The following EIF5B variants were observed in gnomAD, a reference collection of about 807,000 sequenced individuals.
EIF5B encodes the protein eIF-5B.
Under a neutral mutation model 147.5 loss-of-function variants are expected in EIF5B, and 47 were observed. The observed-to-expected ratio is 0.32, with a 90% CI of 0.25 to 0.41. The LOEUF (loss-of-function observed/expected upper bound fraction) is 0.41. EIF5B is among the 10% of genes least tolerant of loss of function. The pLI is 1.00. For missense variants in EIF5B, 1,064 were observed against 1,413.2 expected (o/e 0.75, Z 3.96); for synonymous variants, 455 against 456.2 (o/e 1.00, Z 0.03).
Position 99,360,477 on chromosome 2 carries a change from C to T in EIF5B, c.174C>T (p.Ile58=). Residue 58 remains isoleucine, a synonymous_variant, in exon 3 of 24, where the codon ATC becomes ATT. Transcript: ENST00000289371. The part of the protein sequence containing the change: ...KKKQDFDEDD[I]LKELEELSLE... ...AATCCTTTTCTAGTGAAGATGATAT[C>T]CTGAAAGAACTGGAAGAATTGTCTT... 1 of 1,613,212 alleles carries T rather than the reference C, an allele frequency of 6.2e-7. No homozygotes were observed. The highest frequency in any genetic ancestry group is 8.5e-7 in the Non-Finnish European group (1 of 1,179,648).
At chr2:99,362,342 C>A (rs957085238) in intron 4 of EIF5B, among the ~76,000 whole-genome samples, 1 of 152,208 alleles carries the variant, frequency 6.6e-6, no homozygotes, top group Non-Finnish European at 1.5e-5. Context: ...TAGCTAATTT[C>A]TTCCTCTTAT....
chr2:99,401,171 T>A lies in EIF5B; in HGVS notation c.*1757T>A. 4.5e-6 allele frequency: 4 copies of A among 885,088 alleles called. No individual in the cohort carries two copies. Among genetic ancestry groups the A allele is most frequent in the Non-Finnish European group, 7.5e-6 (4 of 531,840 alleles). 54.8% of individuals were successfully genotyped at this position (885,088 alleles called of 1,614,324 possible). A position where few individuals can be genotyped will look rare whatever the true frequency, so the allele number is the denominator to read the frequency against. ...ATAAAAACTCCGAGCATTACTATCA[T>A]GCACTTTGCAAATACCTCACAAGCA... On this transcript the variant is annotated 3_prime_UTR_variant, in exon 24 of 24. Coordinates refer to ENST00000289371, the MANE Select transcript of EIF5B (RefSeq NM_015904.4).
intron 17 of EIF5B, among the ~76,000 whole-genome samples, chr2:99,391,914 G>T (rs1294086416): frequency 6.6e-6 from 1 of 151,058 alleles, no homozygotes; most frequent in Non-Finnish European, 1.5e-5. Flanking sequence ...TTACAGATGG[G>T]ACTTTGTCAT....
Position 99,376,412 on chromosome 2 carries a change from G to A in EIF5B, c.1618G>A (p.Glu540Lys), listed in dbSNP as rs1464761290. Residue 540 changes from glutamate (E) to lysine (K), a missense_variant, in exon 10 of 24, where the codon GAG (glutamate) becomes AAG (lysine). Around this residue, in one of 4 missense-constraint regions of EIF5B, gnomAD observed 195 missense variants for 186.3 expected, o/e 1.05. Transcript: ENST00000289371. ...NPEEEEEEEEEEEEDEESEEE... is the reference protein window; with the variant it reads ...NPEEEEEEEEKEEEDEESEEE... Reference sequence around the variant, plus strand: ...TGAAGAGGAGGAGGAGGAGGAAGAAGAGGAAGAAGAAGATGAAGAAAGTGA... The same window carrying A: ...TGAAGAGGAGGAGGAGGAGGAAGAAAAGGAAGAAGAAGATGAAGAAAGTGA... The A allele has an allele frequency of 2.6e-6, 4 of 1,564,874 alleles. No individual in the cohort carries two copies. In the South Asian group the frequency reaches 4.5e-5, roughly 18 times the overall value.
chr2:99,355,357 A>G (rs1353617124), intron 1 of EIF5B, among the ~76,000 whole-genome samples: 2 of 152,168 alleles, frequency 1.3e-5, no homozygotes, highest in African/African-American at 2.4e-5. Flanking sequence ...TTGGAATTGC[A>G]TTAAACCTGT....
intron 1 of EIF5B, among the ~76,000 whole-genome samples, chr2:99,347,778 G>T (rs903982853): frequency 6.6e-6 from 1 of 152,024 alleles, no homozygotes; most frequent in Admixed American, 6.6e-5. Context: ...AATTTACCTA[G>T]TAAGTGTGCA....
chr2:99,401,128 T>C lies in EIF5B; in HGVS notation c.*1714T>C, dbSNP rs1559267460. The stretch of plus-strand genomic sequence containing the variant: ...AAAGAAATGTACAAAACACTTGCTT[T>C]AAAAGAAATTTAAAATTATAAAAAC... On this transcript the variant is annotated 3_prime_UTR_variant, in exon 24 of 24. Transcript: ENST00000289371. The C allele has an allele frequency of 8.7e-6, 5 of 572,716 alleles. No individual in the cohort carries two copies. The South Asian group carries it at 1.0e-4, about 11-fold the overall frequency. 35.5% of individuals were successfully genotyped at this position (572,716 alleles called of 1,614,324 possible).
chr2:99,354,660 T>C (rs999901356), intron 1 of EIF5B, among the ~76,000 whole-genome samples: 1 of 152,174 alleles, frequency 6.6e-6, no homozygotes, highest in African/African-American at 2.4e-5. Flanking sequence ...GTACATCATA[T>C]ATCTTGGGTT....
chr2:99,397,644 ACT>A (rs1675082821), intron 22 of EIF5B: 3 of 151,798 alleles, frequency 2.0e-5, no homozygotes, highest in African/African-American at 7.3e-5. Flanking sequence ...AGCCTGTCTG[ACT>A]GCTGCTGATG....
chr2:99,399,495 CA>C lies in EIF5B; in HGVS notation c.*82del. The C allele has an allele frequency of 7.5e-7, 1 of 1,340,006 alleles. No homozygotes were observed. Among genetic ancestry groups the C allele is most frequent in the Middle Eastern group, 2.0e-4 (1 of 5,072 alleles). 83.0% of individuals were successfully genotyped at this position (1,340,006 alleles called of 1,614,324 possible). On this transcript the variant is annotated 3_prime_UTR_variant, in exon 24 of 24. Transcript: ENST00000289371. ...AACAAAAATCAGACAAAAAATGGAA[CA>C]GACGTATTTGGACACTGATGGACTT...
intron 1 of EIF5B, among the ~76,000 whole-genome samples, chr2:99,354,290 C>T (rs1674045734): frequency 6.6e-6 from 1 of 152,148 alleles, no homozygotes; most frequent in Non-Finnish European, 1.5e-5. Context: ...TTGCATTTCC[C>T]AAATAGCTAA....
intron 1 of EIF5B, among the ~76,000 whole-genome samples, chr2:99,345,937 C>G (rs2094272407): frequency 1.2e-5 from 1 of 80,744 alleles, no homozygotes; most frequent in African/African-American, 3.7e-5. Flanking sequence ...GAGCTAGACC[C>G]TGTCTCAAAA....
chr2:99,395,870 G>A (rs1299588492), intron 21 of EIF5B, among the ~76,000 whole-genome samples: 3 of 152,172 alleles, frequency 2.0e-5, no homozygotes, highest in Non-Finnish European at 4.4e-5. Flanking sequence ...AGGTCAGAGA[G>A]GGTGGCAGGA....
chr2:99,378,940 C>A, intron 10 of EIF5B, 79 bp from the exon 11 acceptor site: 1 of 1,171,104 alleles, frequency 8.5e-7, no homozygotes, highest in South Asian at 2.0e-5. Context: ...ATTCTTTTGC[C>A]AAGGCAAAAC....
chr2:99,398,625 A>C, intron 22 of EIF5B, 123 bp from the exon 23 acceptor site: 1 of 1,008,998 alleles, frequency 9.9e-7, no homozygotes, highest in Non-Finnish European at 1.4e-6. Context: ...TGATGAAAGG[A>C]TCGCACTGCC....
intron 6 of EIF5B, 37 bp from the exon 7 acceptor site, chr2:99,368,456 T>A: frequency 6.9e-7 from 1 of 1,451,888 alleles, no homozygotes; most frequent in Middle Eastern, 1.7e-4. Context: ...GACATGCAAG[T>A]AGTATAAGCC....
chr2:99,369,915 G>A (rs552695589), intron 8 of EIF5B, among the ~76,000 whole-genome samples: 6 of 152,208 alleles, frequency 3.9e-5, no homozygotes, highest in African/African-American at 9.6e-5. Flanking sequence ...GGCAGAGGTT[G>A]CAGGGAGATT....
chr2:99,398,959 T>C, intron 23 of EIF5B, 50 bp downstream of exon 23: 1 of 1,582,366 alleles, frequency 6.3e-7, no homozygotes. Flanking sequence ...GGAATCACTC[T>C]TCTTGGGTCA....
intron 1 of EIF5B, among the ~76,000 whole-genome samples, chr2:99,358,332 G>A (rs933697497): frequency 6.6e-6 from 1 of 152,086 alleles, no homozygotes; most frequent in East Asian, 1.9e-4. Flanking sequence ...CTCCCAAAGC[G>A]CTGGGATTAC....
Sources: gnomAD v4.1 joint callset for allele counts (sites outside exome capture counted in the v4.1 genomes callset) on GRCh38, gnomAD v4.1.1 for gene constraint, gnomAD v4.1.1 regional missense constraint, MANE v1.5 for transcripts, NCBI Gene and HGNC (gene_info 2026-07-23, HGNC 2026-07-21) for gene names.